Variants in ZNF365 observed in about 807,000 individuals in gnomAD.
ZNF365 encodes the protein protein ZNF365.
ZNF365 carries 22 observed loss-of-function variants against 35.0 expected under a neutral mutation model. The ratio of observed to expected loss-of-function variants is 0.63; its 90% CI spans 0.45 to 0.90. The LOEUF (loss-of-function observed/expected upper bound fraction) is 0.90. Ranked by LOEUF, ZNF365 falls within the 40% of genes least tolerant of loss-of-function variation. The pLI, the probability that ZNF365 is intolerant of heterozygous loss-of-function variation, is 0.00. For missense variants in ZNF365, 448 were observed against 500.3 expected (o/e 0.90, Z 1.00); for synonymous variants, 188 against 196.2 (o/e 0.96, Z 0.35).
At chr10:62,444,825 G>T (rs2132467742) in intron 3 of ZNF365, among the ~76,000 whole-genome samples, 2 of 152,090 alleles carry the variant, frequency 1.3e-5, no homozygotes, top group South Asian at 4.2e-4. Context: ...GGCACATAGT[G>T]CAGGTCAGTT....
At chr10:62,476,746 G>T (rs1478888290) in intron 4 of ZNF365, among the ~76,000 whole-genome samples, 5 of 152,196 alleles carry the variant, frequency 3.3e-5, no homozygotes, top group African/African-American at 1.2e-4. Context: ...GATCTGAATT[G>T]TTTTTATAAT....
At chr10:62,428,149 A>G (rs1247720089) in intron 3 of ZNF365, among the ~76,000 whole-genome samples, 1 of 152,186 alleles carries the variant, frequency 6.6e-6, no homozygotes. Context: ...ACCTTAGAGT[A>G]CTATTGTGAG....
At chr10:62,381,272 T>C (rs913348869) in intron 2 of ZNF365, among the ~76,000 whole-genome samples, 6 of 152,112 alleles carry the variant, frequency 3.9e-5, no homozygotes, top group Non-Finnish European at 8.8e-5. Context: ...GTAGACCAGG[T>C]GATTTCTGAT....
intron 3 of ZNF365, among the ~76,000 whole-genome samples, chr10:62,454,880 T>C (rs947477641): frequency 1.3e-5 from 2 of 152,094 alleles, no homozygotes; most frequent in East Asian, 3.8e-4. Context: ...GAGACAGTGG[T>C]GCTGATTGGA....
chr10:62,446,545 C>A (rs947946502), intron 3 of ZNF365, among the ~76,000 whole-genome samples: 2 of 152,242 alleles, frequency 1.3e-5, no homozygotes, highest in South Asian at 4.1e-4. Flanking sequence ...ATATTTATAA[C>A]TTTGGAGAGC....
chr10:62,419,218 G>A (rs1475050363), intron 3 of ZNF365, among the ~76,000 whole-genome samples: 1 of 152,060 alleles, frequency 6.6e-6, no homozygotes, highest in Non-Finnish European at 1.5e-5. Flanking sequence ...ATGGTACTAT[G>A]TACTGGCTTT....
intron 4 of ZNF365, among the ~76,000 whole-genome samples, chr10:62,466,136 GC>G (rs1371380861): frequency 2.0e-5 from 3 of 152,182 alleles, no homozygotes; most frequent in African/African-American, 7.2e-5. Context: ...AAGAGTTGAA[GC>G]CCTTCTGGAA....
chr10:62,421,546 T>G (rs952011805), intron 3 of ZNF365, among the ~76,000 whole-genome samples: 1 of 152,172 alleles, frequency 6.6e-6, no homozygotes, highest in Non-Finnish European at 1.5e-5. Context: ...AAAACCACAG[T>G]GTGCTAATCC....
At position 62,461,693 on chromosome 10, in the gene ZNF365, G is replaced by A. The variant is rs931564668; in HGVS notation, c.981+1896G>A. 4.6e-5 allele frequency among the ~76,000 whole-genome samples: 7 copies of A among 152,268 alleles called. No individual in the cohort carries two copies. In the Middle Eastern group the frequency reaches 0.01, roughly 222 times the overall value. ...GTAGAATTTTCCAGAATTGAAGAAT[G>A]ACAATCGCGGACTTCAATGTGCTCC... On this transcript the variant is annotated intron_variant, in intron 4 of 4. Coordinates refer to the ZNF365 transcript ENST00000395255.
chr10:62,450,197 C>G (rs1322613883), intron 3 of ZNF365, among the ~76,000 whole-genome samples: 1 of 152,070 alleles, frequency 6.6e-6, no homozygotes, highest in Admixed American at 6.6e-5. Flanking sequence ...TTTTCAGTTT[C>G]TTGGTATTAC....
chr10:62,419,495 A>T (rs1387311876), intron 3 of ZNF365, among the ~76,000 whole-genome samples: 1 of 122,808 alleles, frequency 8.1e-6, no homozygotes, highest in Non-Finnish European at 1.7e-5. Context: ...TTTTTAAAGG[A>T]AAAAAAAAAA....
chr10:62,458,518 G>A (rs557100145), intron 3 of ZNF365, among the ~76,000 whole-genome samples: 27 of 151,830 alleles, frequency 1.8e-4, no homozygotes, highest in Non-Finnish European at 3.7e-4. Flanking sequence ...AATATTGTGT[G>A]GGTATATAAA....
intron 4 of ZNF365, among the ~76,000 whole-genome samples, chr10:62,461,281 G>A (rs1378351988): frequency 1.3e-5 from 2 of 152,210 alleles, no homozygotes; most frequent in Non-Finnish European, 2.9e-5. Context: ...AGAGCCTAGC[G>A]CTGGAGGAGC....
At chr10:62,410,359 C>A (rs1048034136) in intron 3 of ZNF365, among the ~76,000 whole-genome samples, 2 of 151,740 alleles carry the variant, frequency 1.3e-5, no homozygotes, top group African/African-American at 4.8e-5. Context: ...ATAGAGGAAT[C>A]TCTCTCTCTC....
intron 2 of ZNF365, among the ~76,000 whole-genome samples, chr10:62,380,020 A>G (rs755211457): frequency 1.3e-5 from 2 of 152,244 alleles, no homozygotes; most frequent in African/African-American, 2.4e-5. Context: ...TAAAATTCAC[A>G]TAAGCTTCTT....
chr10:62,378,464 T>C (rs113236311), intron 2 of ZNF365, among the ~76,000 whole-genome samples: 26 of 152,336 alleles, frequency 1.7e-4, no homozygotes, highest in African/African-American at 5.8e-4. Context: ...GTTAAAAATA[T>C]CTGTCTAAAT....
intron 3 of ZNF365, among the ~76,000 whole-genome samples, chr10:62,427,280 A>G (rs1321861305): frequency 1.3e-5 from 2 of 152,170 alleles, no homozygotes; most frequent in East Asian, 1.9e-4. Context: ...ATAATACCAT[A>G]TTTTTACTGT....
chr10:62,397,802 G>T (rs1179703291), intron 3 of ZNF365, among the ~76,000 whole-genome samples: 3 of 152,178 alleles, frequency 2.0e-5, no homozygotes, highest in Non-Finnish European at 4.4e-5. Context: ...TTGATACATT[G>T]TGACTGGCCA....
At chr10:62,386,615 A>G (rs1444352924) in intron 2 of ZNF365, among the ~76,000 whole-genome samples, 1 of 152,230 alleles carries the variant, frequency 6.6e-6, no homozygotes, top group African/African-American at 2.4e-5. Context: ...AAGTTTCAGT[A>G]TGGCCATGTG....
Sources: gnomAD v4.1 joint callset for allele counts (sites outside exome capture counted in the v4.1 genomes callset) on GRCh38, gnomAD v4.1.1 for gene constraint, MANE v1.5 for transcripts, NCBI Gene and HGNC (gene_info 2026-07-23, HGNC 2026-07-21) for gene names.